The following IPCEF1 variants were observed in gnomAD, a reference collection of about 807,000 sequenced individuals.
IPCEF1 encodes interaction protein for cytohesin exchange factors 1, also known as interactor protein for cytohesin exchange factors 1.
A neutral mutation model predicts 50.9 loss-of-function variants in IPCEF1; 31 were observed. That is an observed-to-expected ratio of 0.61 (90% confidence interval 0.46 to 0.82). The LOEUF (loss-of-function observed/expected upper bound fraction) is 0.82. IPCEF1 is among the 40% of genes least tolerant of loss of function. IPCEF1 has a pLI of 0.00. For missense variants in IPCEF1, 458 were observed against 514.0 expected (o/e 0.89, Z 1.05); for synonymous variants, 181 against 192.0 (o/e 0.94, Z 0.47).
At position 154,267,572 on chromosome 6, in the gene IPCEF1, G is replaced by A. The variant is rs117789949; in HGVS notation, c.-17-1608C>T. Among the ~76,000 whole-genome samples, 1,445 of 152,326 alleles carry A rather than the reference G, an allele frequency of 9.5e-3. 18 individuals carry two copies. The highest frequency in any genetic ancestry group is 0.015 in the Non-Finnish European group (1,002 of 68,020). On this transcript the variant is annotated intron_variant, in intron 2 of 11. Coordinates refer to ENST00000367220, the MANE Select transcript of IPCEF1 (RefSeq NM_001130700.2). Reference sequence around the variant, plus strand: ...TTCTTGTCCTGCATCTGGGAATAACGAGGTACACAGAGAAGTAGAGGGGAG... The same window carrying A: ...TTCTTGTCCTGCATCTGGGAATAACAAGGTACACAGAGAAGTAGAGGGGAG...
At chr6:154,189,696 C>T (rs149447321) in intron 10 of IPCEF1, among the ~76,000 whole-genome samples, 7 of 152,088 alleles carry the variant, frequency 4.6e-5, no homozygotes, top group Admixed American at 2.6e-4. Flanking sequence ...GGGCCAGGCG[C>T]GGTGGCTGAT....
At chr6:154,314,817 T>C (rs867134326) in intron 1 of IPCEF1, among the ~76,000 whole-genome samples, 2 of 151,682 alleles carry the variant, frequency 1.3e-5, no homozygotes, top group African/African-American at 2.4e-5. Flanking sequence ...TAAGCACTCA[T>C]AGAAAGAGGT....
chr6:154,283,394 T>C (rs1022491793), intron 2 of IPCEF1, among the ~76,000 whole-genome samples: 2 of 148,790 alleles, frequency 1.3e-5, no homozygotes, highest in Non-Finnish European at 1.5e-5. Context: ...CAGGAGATCA[T>C]GACCATCCTG....
At chr6:154,206,702 A>T (rs1319934357) in intron 9 of IPCEF1, among the ~76,000 whole-genome samples, 3 of 152,236 alleles carry the variant, frequency 2.0e-5, no homozygotes, top group African/African-American at 7.2e-5. Flanking sequence ...GTTCTCATGA[A>T]GGAATCTACA....
At chr6:154,324,900 G>GA (rs368657413) in intron 1 of IPCEF1, among the ~76,000 whole-genome samples, 2,315 of 151,640 alleles carry the variant, frequency 0.015, 58 homozygotes, top group African/African-American at 0.053. Flanking sequence ...TTCCAGCATG[G>GA]AAAAAAAAGT....
chr6:154,341,734 G>A (rs1381952517), intron 1 of IPCEF1, among the ~76,000 whole-genome samples: 1 of 152,168 alleles, frequency 6.6e-6, no homozygotes, highest in Non-Finnish European at 1.5e-5. Flanking sequence ...GATTAGGGAA[G>A]AAATTACACA....
At chr6:154,275,770 G>A (rs2128660744) in intron 2 of IPCEF1, among the ~76,000 whole-genome samples, 1 of 152,056 alleles carries the variant, frequency 6.6e-6, no homozygotes, top group South Asian at 2.1e-4. Flanking sequence ...ACATTCACTG[G>A]CTAGAAGGCA....
At chr6:154,287,619 T>C (rs1475910130) in intron 2 of IPCEF1, among the ~76,000 whole-genome samples, 1 of 152,164 alleles carries the variant, frequency 6.6e-6, no homozygotes, top group Non-Finnish European at 1.5e-5. Context: ...GCCTCCCCTT[T>C]GTACCATTGT....
intron 1 of IPCEF1, among the ~76,000 whole-genome samples, chr6:154,335,597 A>T: frequency 6.6e-6 from 1 of 152,142 alleles, no homozygotes; most frequent in Non-Finnish European, 1.5e-5. Flanking sequence ...GCACTTTGGG[A>T]GGCCAAGGTG....
chr6:154,212,614 A>G (rs1212116370), intron 9 of IPCEF1, among the ~76,000 whole-genome samples, 156 bp downstream of exon 9: 1 of 152,214 alleles, frequency 6.6e-6, no homozygotes, highest in East Asian at 1.9e-4. Context: ...AGAAGGCTCA[A>G]AATCAGCACC....
chr6:154,232,502 T>C (rs1779801808), intron 5 of IPCEF1, among the ~76,000 whole-genome samples: 1 of 152,140 alleles, frequency 6.6e-6, no homozygotes, highest in South Asian at 2.1e-4. Flanking sequence ...TATTATACCA[T>C]GGGAACCATC....
intron 10 of IPCEF1, among the ~76,000 whole-genome samples, chr6:154,190,095 T>C (rs968617849): frequency 1.3e-5 from 2 of 152,206 alleles, no homozygotes; most frequent in African/African-American, 4.8e-5. Flanking sequence ...ATGTACTTCC[T>C]ATACTTATAT....
At chr6:154,228,616 A>G (rs1229371769) in intron 5 of IPCEF1, among the ~76,000 whole-genome samples, 4 of 152,174 alleles carry the variant, frequency 2.6e-5, no homozygotes, top group African/African-American at 9.6e-5. Flanking sequence ...GCAGCATTAA[A>G]TACATATTTT....
In IPCEF1 at chr6:154,355,509, G is replaced by A. The variant is rs1427836201; in HGVS notation, c.-62+1163C>T. On this transcript the variant is annotated intron_variant, in intron 1 of 11. Coordinates refer to ENST00000367220, the MANE Select transcript of IPCEF1 (RefSeq NM_001130700.2). ...TTCTTTCTTTCTTTTTTTTTTTTGA[G>A]ATGAACTCTTGCTCTGTCACCCAGG... 2.8e-5 allele frequency among the ~76,000 whole-genome samples: 4 copies of A among 141,856 alleles called. No individual in the cohort carries two copies. In the South Asian group the frequency reaches 6.6e-4, roughly 23 times the overall value. The allele number at this position is 141,856 out of a possible 152,430, so 93.1% of individuals were successfully genotyped here.
chr6:154,227,271 C>T (rs973705080), intron 5 of IPCEF1, among the ~76,000 whole-genome samples: 1 of 151,954 alleles, frequency 6.6e-6, no homozygotes, highest in Admixed American at 6.6e-5. Context: ...TTCCATGGAG[C>T]TGAATTAGAA....
intron 9 of IPCEF1, among the ~76,000 whole-genome samples, chr6:154,206,594 G>C (rs923424188): frequency 4.5e-5 from 5 of 111,632 alleles, no homozygotes; most frequent in Non-Finnish European, 7.2e-5. Context: ...AGCAGATTGT[G>C]ATAACAACAT....
intron 1 of IPCEF1, among the ~76,000 whole-genome samples, chr6:154,326,717 T>C (rs942122294): frequency 6.6e-6 from 1 of 152,140 alleles, no homozygotes; most frequent in African/African-American, 2.4e-5. Context: ...AAAACTATTT[T>C]AAAATTCACA....
At chr6:154,206,784 A>G (rs563606318) in intron 9 of IPCEF1, among the ~76,000 whole-genome samples, 5 of 152,328 alleles carry the variant, frequency 3.3e-5, no homozygotes, top group South Asian at 4.1e-4. Context: ...GTGGTCCTGC[A>G]AGTGGAGAAA....
intron 10 of IPCEF1, among the ~76,000 whole-genome samples, chr6:154,199,352 GCATGGGA>G (rs1437932742): frequency 6.6e-6 from 1 of 152,228 alleles, no homozygotes; most frequent in Non-Finnish European, 1.5e-5. Context: ...AGGCTCCAGC[GCATGGGA>G]CATGGGACCA....
Sources: gnomAD v4.1 joint callset for allele counts (sites outside exome capture counted in the v4.1 genomes callset) on GRCh38, gnomAD v4.1.1 for gene constraint, MANE v1.5 for transcripts, NCBI Gene and HGNC (gene_info 2026-07-23, HGNC 2026-07-21) for gene names.